CREB1: variants seen among roughly 807,000 people sequenced by gnomAD.
The protein encoded by CREB1 is cyclic AMP-responsive element-binding protein 1.
In CREB1, 2 loss-of-function variants were observed where a neutral mutation model predicts 42.0. That is an observed-to-expected ratio of 0.05 (90% CI 0.02 to 0.15). The LOEUF (loss-of-function observed/expected upper bound fraction) is 0.15, where lower values mean the gene tolerates loss of function less well. Ranked by LOEUF, CREB1 falls within the 10% of genes least tolerant of loss-of-function variation. The pLI, the probability that CREB1 is intolerant of heterozygous loss-of-function variation, is 1.00. For missense variants in CREB1, 199 were observed against 388.9 expected, an observed-to-expected ratio of 0.51 and a Z score of 4.11; for synonymous variants, 123 against 139.9, an observed-to-expected ratio of 0.88 and a Z score of 0.85.
intron 1 of CREB1, among the ~76,000 whole-genome samples, chr2:207,554,268 C>CT (rs553617060): frequency 1.3e-5 from 2 of 152,108 alleles, no homozygotes; most frequent in Non-Finnish European, 2.9e-5. Flanking sequence ...TTGTAAAACA[C>CT]TTTCTTTTTA....
At chr2:207,577,370 C>T (rs890885695) in intron 6 of CREB1, 135 bp from the exon 7 acceptor site, 2 of 1,227,140 alleles carry the variant, frequency 1.6e-6, no homozygotes, top group East Asian at 2.6e-5. Context: ...ATTCTTTCAA[C>T]GCTTTAGCCA....
intron 7 of CREB1, among the ~76,000 whole-genome samples, chr2:207,583,550 TAA>T (rs1277841108): frequency 6.6e-6 from 1 of 152,254 alleles, no homozygotes; most frequent in Non-Finnish European, 1.5e-5. Context: ...TGCTGTTTTC[TAA>T]AGTTACTTCA....
chr2:207,571,461 A>G (rs1158077953), intron 5 of CREB1, among the ~76,000 whole-genome samples: 2 of 152,236 alleles, frequency 1.3e-5, no homozygotes, highest in East Asian at 3.8e-4. Flanking sequence ...GTTCTCAAGT[A>G]GCAAACTTTT....
At chr2:207,590,850 A>G (rs1216178307) in intron 7 of CREB1, among the ~76,000 whole-genome samples, 1 of 152,136 alleles carries the variant, frequency 6.6e-6, no homozygotes, top group Non-Finnish European at 1.5e-5. Context: ...TTTTTCTAAC[A>G]TAAGTATTTA....
At chr2:207,578,347 C>T (rs372394434) in intron 7 of CREB1, among the ~76,000 whole-genome samples, 1 of 151,824 alleles carries the variant, frequency 6.6e-6, no homozygotes, top group South Asian at 2.1e-4. Flanking sequence ...TAGAAGTGAC[C>T]GAGACAAACA....
chr2:207,592,117 C>G (rs955865696), intron 7 of CREB1, among the ~76,000 whole-genome samples: 2 of 152,124 alleles, frequency 1.3e-5, no homozygotes, highest in South Asian at 2.1e-4. Context: ...GTATAGAATT[C>G]TGGGTTTATC....
At chr2:207,574,977 C>A (rs1336393080) in intron 5 of CREB1, among the ~76,000 whole-genome samples, 1 of 152,130 alleles carries the variant, frequency 6.6e-6, no homozygotes, top group African/African-American at 2.4e-5. Flanking sequence ...CAGAGTGGAA[C>A]CTCTTCAGAA....
rs2106645247 is a variant in CREB1, at chr2:207,603,250, A to G, written c.*6192A>G. ...TGCATTTTATTAACACTATGTACAT[A>G]ATAGCTGCTTTGTGTTCAGAATAGT... On this transcript the variant is annotated 3_prime_UTR_variant, in exon 8 of 8. Coordinates refer to ENST00000353267, the MANE Select transcript of CREB1 (RefSeq NM_004379.5). 2 of 220,982 alleles carry G rather than the reference A, an allele frequency of 9.1e-6. No individual in the cohort carries two copies. Among genetic ancestry groups the G allele is most frequent in the East Asian group, 1.3e-4 (2 of 14,924 alleles). 13.7% of individuals were successfully genotyped at this position (220,982 alleles called of 1,614,324 possible).
chr2:207,565,282 T>A (rs2082099394), intron 3 of CREB1, among the ~76,000 whole-genome samples: 1 of 152,200 alleles, frequency 6.6e-6, no homozygotes, highest in Admixed American at 6.5e-5. Context: ...GTATTTTTAT[T>A]ATTGATTAAG....
intron 7 of CREB1, among the ~76,000 whole-genome samples, chr2:207,587,141 C>A (rs976586171): frequency 6.6e-6 from 1 of 152,154 alleles, no homozygotes; most frequent in Non-Finnish European, 1.5e-5. Context: ...CGCCTGTAAT[C>A]CCAGCACTTT....
At chr2:207,544,676 G>C (rs1220734160) in intron 1 of CREB1, among the ~76,000 whole-genome samples, 1 of 152,124 alleles carries the variant, frequency 6.6e-6, no homozygotes, top group African/African-American at 2.4e-5. Flanking sequence ...ATTAAGCCCA[G>C]CATTCACCAG....
At chr2:207,588,861 ATTTAC>A (rs1268916931) in intron 7 of CREB1, among the ~76,000 whole-genome samples, 5 of 127,442 alleles carry the variant, frequency 3.9e-5, no homozygotes, top group Non-Finnish European at 1.6e-5. Flanking sequence ...ACCATTCTAA[ATTTAC>A]TTATTAGTTC....
chr2:207,570,061 A>C (rs2082299954), intron 4 of CREB1, 118 bp from the exon 5 acceptor site: 1 of 651,304 alleles, frequency 1.5e-6, no homozygotes. Flanking sequence ...AAAAAAAAAA[A>C]ACCTTCTGTC....
At chr2:207,587,092 T>C (rs2083986310) in intron 7 of CREB1, among the ~76,000 whole-genome samples, 1 of 150,298 alleles carries the variant, frequency 6.7e-6, no homozygotes, top group Non-Finnish European at 1.5e-5. Flanking sequence ...GGTGTGGAGG[T>C]TTCTCAAAAA....
At chr2:207,593,061 T>G (rs376157653) in intron 7 of CREB1, among the ~76,000 whole-genome samples, 1 of 152,228 alleles carries the variant, frequency 6.6e-6, no homozygotes, top group African/African-American at 2.4e-5. Context: ...GTTCACTGAT[T>G]GTTTCCTCAG....
rs1384823619 is a variant in CREB1 at position 207,582,165 on chromosome 2, A to C, written c.839+4510A>C. On this transcript the variant is annotated intron_variant, in intron 7 of 7. Transcript: ENST00000353267. ...AGGAGAATTAAATTCCACCTCCTAA[A>C]AGGGAGAATATGAAAGAAATTTGTG... 4 of 702,870 alleles carry C rather than the reference A, an allele frequency of 5.7e-6. No individual in the cohort carries two copies. The African/African-American group carries it at 7.0e-5, about 12-fold the overall frequency. 43.5% of individuals were successfully genotyped at this position (702,870 alleles called of 1,614,324 possible).
intron 1 of CREB1, among the ~76,000 whole-genome samples, chr2:207,530,619 GC>G (rs1423673482): frequency 2.7e-5 from 4 of 149,202 alleles, no homozygotes; most frequent in Non-Finnish European, 6.0e-5. Flanking sequence ...GCCCGACCCG[GC>G]CGGGCCTCCG....
chr2:207,579,873 C>G (rs750725184), intron 7 of CREB1, among the ~76,000 whole-genome samples: 1 of 152,160 alleles, frequency 6.6e-6, no homozygotes, highest in East Asian at 1.9e-4. Context: ...AATTTTAACT[C>G]TATGGAGTAT....
At chr2:207,535,362 C>T (rs1197579686) in intron 1 of CREB1, among the ~76,000 whole-genome samples, 2 of 152,000 alleles carry the variant, frequency 1.3e-5, no homozygotes, top group Non-Finnish European at 2.9e-5. Context: ...TATTTTGGCC[C>T]AAAAGGTTTT....
Sources: allele counts gnomAD v4.1 joint callset (sites outside exome capture counted in the v4.1 genomes callset), GRCh38; gene constraint gnomAD v4.1.1; transcripts MANE v1.5; gene names NCBI Gene and HGNC (gene_info 2026-07-23, HGNC 2026-07-21).